Variants in THSD7B observed in about 807,000 individuals in gnomAD.
THSD7B encodes the protein thrombospondin type 1 domain containing 7B.
THSD7B carries 138 observed loss-of-function variants against 213.6 expected under a neutral mutation model. The ratio of observed to expected loss-of-function variants is 0.65; its 90% confidence interval spans 0.56 to 0.74. The LOEUF (loss-of-function observed/expected upper bound fraction) is 0.74. THSD7B is among the 30% of genes least tolerant of loss of function. The pLI is 0.00. For synonymous variants in THSD7B, 742 were observed against 687.0 expected, an observed-to-expected ratio of 1.08 and a Z score of -1.25; for missense variants, 1,931 against 1,991.5, an observed-to-expected ratio of 0.97 and a Z score of 0.58.
intron 2 of THSD7B, among the ~76,000 whole-genome samples, chr2:136,990,385 T>C (rs1341737374): frequency 6.6e-6 from 1 of 152,084 alleles, no homozygotes; most frequent in East Asian, 1.9e-4. Context: ...CAGCCCAAGG[T>C]GATCAAGATG....
chr2:136,931,907 A>G (rs2105047943), intron 2 of THSD7B, among the ~76,000 whole-genome samples: 1 of 152,310 alleles, frequency 6.6e-6, no homozygotes, highest in Non-Finnish European at 1.5e-5. Context: ...CATTTTAGGC[A>G]TTTTGCAAAT....
intron 1 of THSD7B, among the ~76,000 whole-genome samples, chr2:136,769,216 A>G (rs1346371): frequency 0.11 from 17,276 of 152,162 alleles, 1,214 homozygotes; most frequent in South Asian, 0.19. Flanking sequence ...TCTTGTAAGT[A>G]TCTCTTGACA....
chr2:137,510,055 G>A (rs1679927756), intron 15 of THSD7B, among the ~76,000 whole-genome samples: 1 of 151,910 alleles, frequency 6.6e-6, no homozygotes, highest in South Asian at 2.1e-4. Context: ...AATAATTGGA[G>A]ATTATTTTTT....
chr2:137,562,468 C>A (rs1017879197), intron 15 of THSD7B, among the ~76,000 whole-genome samples: 8 of 151,982 alleles, frequency 5.3e-5, no homozygotes, highest in African/African-American at 1.7e-4. Context: ...AAAAAATCAC[C>A]ACAAACAAAT....
Position 137,160,464 on chromosome 2 carries a change from T to C in THSD7B, c.1525+96T>C, listed in dbSNP as rs1239875413. 3.2e-5 allele frequency: 47 copies of C among 1,464,118 alleles called. No homozygotes were observed. The South Asian group carries it at 6.7e-4, about 21-fold the overall frequency. The allele number at this position is 1,464,118 out of a possible 1,614,324, so 90.7% of individuals were successfully genotyped here. Reference sequence around the variant, plus strand: ...TGATTAAGCCTGCTTAAGACAATATTTGTTTGTAAAATTTAGATAACCAGC... The same window carrying C: ...TGATTAAGCCTGCTTAAGACAATATCTGTTTGTAAAATTTAGATAACCAGC... On this transcript the variant is annotated intron_variant, in intron 6 of 27. Coordinates refer to ENST00000409968, the MANE Select transcript of THSD7B (RefSeq NM_001316349.2).
At chr2:136,933,131 CCT>C (rs1684661250) in intron 2 of THSD7B, among the ~76,000 whole-genome samples, 1 of 57,182 alleles carries the variant, frequency 1.7e-5, no homozygotes, top group African/African-American at 3.7e-5. Context: ...TTCCTTCCTT[CCT>C]TCCTTCCTTC....
At chr2:137,045,113 C>T (rs1355850619) in intron 2 of THSD7B, among the ~76,000 whole-genome samples, 1 of 152,074 alleles carries the variant, frequency 6.6e-6, no homozygotes, top group African/African-American at 2.4e-5. Flanking sequence ...TTTCTTTTTC[C>T]TTCTTCATAA....
At chr2:137,182,091 A>C (rs998266799) in intron 7 of THSD7B, among the ~76,000 whole-genome samples, 2 of 152,154 alleles carry the variant, frequency 1.3e-5, no homozygotes, top group Non-Finnish European at 2.9e-5. Flanking sequence ...CCTTATTTGT[A>C]AATAGGGTTT....
chr2:137,496,507 A>T, intron 15 of THSD7B, among the ~76,000 whole-genome samples: 1 of 152,142 alleles, frequency 6.6e-6, no homozygotes, highest in East Asian at 1.9e-4. Flanking sequence ...TCTCAAATGT[A>T]TAGCCAGCTT....
chr2:137,375,135 G>A (rs1197354546), intron 12 of THSD7B, among the ~76,000 whole-genome samples: 1 of 152,122 alleles, frequency 6.6e-6, no homozygotes, highest in East Asian at 1.9e-4. Flanking sequence ...AGTCAAATGT[G>A]CAAATTTAAT....
chr2:136,985,298 C>A (rs1685651195), intron 2 of THSD7B, among the ~76,000 whole-genome samples: 1 of 152,156 alleles, frequency 6.6e-6, no homozygotes, highest in Admixed American at 6.5e-5. Context: ...CCGCTCTCAT[C>A]ACAGCCCCAG....
chr2:137,050,016 T>C (rs1687040347), intron 2 of THSD7B, among the ~76,000 whole-genome samples: 2 of 152,130 alleles, frequency 1.3e-5, no homozygotes, highest in Admixed American at 1.3e-4. Flanking sequence ...GTCAGCCCCA[T>C]TTTTGCTCCA....
chr2:137,426,245 T>C (rs1230384877), intron 14 of THSD7B, among the ~76,000 whole-genome samples: 2 of 152,156 alleles, frequency 1.3e-5, no homozygotes, highest in Admixed American at 1.3e-4. Flanking sequence ...TCAAAATGTT[T>C]ATACTATTCA....
At chr2:137,393,129 C>T (rs1223728930) in intron 12 of THSD7B, among the ~76,000 whole-genome samples, 5 of 149,078 alleles carry the variant, frequency 3.4e-5, no homozygotes, top group African/African-American at 1.2e-4. Context: ...TTCTTGGCTG[C>T]AGGTTTTTTC....
chr2:136,940,140 A>G (rs1015810275), intron 2 of THSD7B, among the ~76,000 whole-genome samples: 2 of 152,058 alleles, frequency 1.3e-5, no homozygotes, highest in Non-Finnish European at 2.9e-5. Context: ...CATTGTACCC[A>G]TTAAATAATT....
chr2:137,559,053 T>G (rs373989073), intron 15 of THSD7B, among the ~76,000 whole-genome samples: 1 of 151,968 alleles, frequency 6.6e-6, no homozygotes, highest in Non-Finnish European at 1.5e-5. Context: ...CACTGCTCAA[T>G]GAAATGAAAG....
intron 3 of THSD7B, among the ~76,000 whole-genome samples, chr2:137,080,337 G>T (rs138977709): frequency 6.8e-6 from 1 of 146,362 alleles, no homozygotes; most frequent in Non-Finnish European, 1.5e-5. Context: ...AAGCAGCTGC[G>T]ATTATAGGCA....
chr2:137,141,476 A>G (rs1052828808), intron 5 of THSD7B, among the ~76,000 whole-genome samples: 4 of 119,672 alleles, frequency 3.3e-5, no homozygotes, highest in African/African-American at 1.4e-4. Flanking sequence ...AGAAACACAC[A>G]TGTGTGCACA....
chr2:137,388,039 C>T (rs944445888), intron 12 of THSD7B, among the ~76,000 whole-genome samples: 6 of 152,154 alleles, frequency 3.9e-5, no homozygotes, highest in Non-Finnish European at 7.4e-5. Flanking sequence ...TCAACATTAT[C>T]ATGTAAGAGA....
Sources: allele counts gnomAD v4.1 joint callset (sites outside exome capture counted in the v4.1 genomes callset), GRCh38; gene constraint gnomAD v4.1.1; transcripts MANE v1.5; gene names NCBI Gene and HGNC (gene_info 2026-07-23, HGNC 2026-07-21).